TAB3: variants seen among roughly 807,000 people sequenced by gnomAD.
TAB3 encodes the protein TGF-beta-activated kinase 1 and MAP3K7-binding protein 3.
In TAB3, 18 loss-of-function variants were observed where a neutral mutation model predicts 48.1. The ratio of observed to expected loss-of-function variants is 0.37; its 90% CI spans 0.26 to 0.55. The LOEUF is 0.55. TAB3 is among the 20% of genes least tolerant of loss of function. TAB3 has a pLI of 0.78. For synonymous variants in TAB3, 185 were observed against 190.2 expected (o/e 0.97, Z 0.22); for missense variants, 414 against 549.8 (o/e 0.75, Z 2.47).
chrX:30,845,948 T>C, intron 8 of TAB3: 1 of 969,276 alleles, frequency 1.0e-6, no homozygotes, highest in Non-Finnish European at 1.3e-6. Context: ...TGCAGCCTAC[T>C]AGTCAAAAGT....
Position 30,864,801 on chromosome X carries a change from G to T in TAB3, c.-91+2314C>A, listed in dbSNP as rs559204162. Among the ~76,000 whole-genome samples, 4 of 99,426 alleles carry T rather than the reference G, an allele frequency of 4.0e-5. 1 individual carries two copies. The highest frequency in any genetic ancestry group is 1.2e-4 in the Admixed American group (1 of 8,194). 86.3% of individuals were successfully genotyped at this position (99,426 alleles called of 115,157 possible). Reference sequence around the variant, plus strand: ...TGGCCATCACAGTGTGTGTGTGTGTGTGTTTTTTTTTTAAAGTTGAGCTAC... The same window carrying T: ...TGGCCATCACAGTGTGTGTGTGTGTTTGTTTTTTTTTTAAAGTTGAGCTAC... On this transcript the variant is annotated intron_variant, in intron 4 of 10. Transcript: ENST00000288422.
intron 1 of TAB3, among the ~76,000 whole-genome samples, chrX:30,883,398 C>T (rs910983349): frequency 4.5e-5 from 5 of 112,306 alleles, no homozygotes; most frequent in African/African-American, 1.6e-4. Flanking sequence ...CTCTCAAGAA[C>T]CCCATAAGGG....
intron 7 of TAB3, among the ~76,000 whole-genome samples, chrX:30,849,928 CAT>C (rs757571021): frequency 2.2e-4 from 25 of 112,558 alleles, no homozygotes; most frequent in Non-Finnish European, 4.7e-4. Flanking sequence ...GCAACCAACA[CAT>C]ATTTTATAAG....
chrX:30,856,845 C>T (rs981717943), intron 5 of TAB3, among the ~76,000 whole-genome samples: 8 of 111,370 alleles, frequency 7.2e-5, no homozygotes, highest in Non-Finnish European at 1.1e-4. Flanking sequence ...CATGGCTTGA[C>T]AATAGGCACT....
At chrX:30,833,190 C>A (rs760700377) in intron 10 of TAB3, among the ~76,000 whole-genome samples, 2 of 108,366 alleles carry the variant, frequency 1.8e-5, no homozygotes, top group Non-Finnish European at 3.8e-5. Context: ...CAGGATGGTT[C>A]GATCTCCTGA....
At chrX:30,839,937 TATATATA>T (rs1454833512) in intron 9 of TAB3, among the ~76,000 whole-genome samples, 98 of 62,680 alleles carry the variant, frequency 1.6e-3, no homozygotes, top group African/African-American at 3.7e-3. Flanking sequence ...TATATATATA[TATATATA>T]ATATATATTA....
intron 2 of TAB3, among the ~76,000 whole-genome samples, chrX:30,870,517 G>A (rs1444970532): frequency 2.7e-5 from 3 of 112,233 alleles, no homozygotes; most frequent in African/African-American, 9.7e-5. Context: ...TAAGTAGTCA[G>A]AAAAAGAAAC....
chrX:30,834,221 C>T, intron 9 of TAB3, 69 bp from the exon 10 acceptor site: 1 of 945,649 alleles, frequency 1.1e-6, no homozygotes, highest in South Asian at 2.1e-5. Context: ...AACAGGCTCA[C>T]AAGATCTTTC....
In TAB3 at chrX:30,842,880, T is replaced by C. The variant is rs1167022118; in HGVS notation, c.1888+86A>G. The C allele has an allele frequency of 2.5e-5, 14 of 561,718 alleles. No homozygotes were observed. The South Asian group carries it at 4.7e-4, about 19-fold the overall frequency. 46.3% of individuals were successfully genotyped at this position (561,718 alleles called of 1,213,427 possible). ...ACTTTATGCTGAACAACTTAACCTC[T>C]AGTGGAAATTTCTTCAGATAAATGT... On this transcript the variant is annotated intron_variant, in intron 9 of 10. Coordinates refer to ENST00000288422, the MANE Select transcript of TAB3 (RefSeq NM_152787.5).
intron 9 of TAB3, among the ~76,000 whole-genome samples, chrX:30,837,398 A>T (rs1303796875): frequency 9.0e-6 from 1 of 111,080 alleles, no homozygotes; most frequent in Admixed American, 9.6e-5. Flanking sequence ...AGAAAACCAC[A>T]ATCTGACTAT....
rs1332228256 is a variant in TAB3, at chrX:30,829,540, T to C, written c.*1887A>G. ...GTGTTACAAAAACCTTTGAAGAACG[T>C]TGTTTTGGGGACCATGCTTTTAAGC... On this transcript the variant is annotated 3_prime_UTR_variant, in exon 11 of 11. Coordinates refer to ENST00000288422, the MANE Select transcript of TAB3 (RefSeq NM_152787.5). The C allele has an allele frequency of 3.6e-5, 4 of 111,592 alleles. No individual in the cohort carries two copies. Among genetic ancestry groups the C allele is most frequent in the Non-Finnish European group, 7.5e-5 (4 of 53,049 alleles). The allele number at this position is 111,592 out of a possible 1,213,427, so 9.2% of individuals were successfully genotyped here.
chrX:30,846,859 C>A (rs755023062), intron 7 of TAB3, among the ~76,000 whole-genome samples: 10 of 111,801 alleles, frequency 8.9e-5, no homozygotes, highest in Non-Finnish European at 1.5e-4. Flanking sequence ...TAAACAAAAT[C>A]TGCATATAAA....
rs1397777922 is a variant in TAB3, at chrX:30,830,549, C to T, written c.*878G>A. Reference sequence around the variant, plus strand: ...TTGGAATGGACTTGCATTTGGCATACATTCACTGTGCTACTGGCAAAGCGC... The same window carrying T: ...TTGGAATGGACTTGCATTTGGCATATATTCACTGTGCTACTGGCAAAGCGC... On this transcript the variant is annotated 3_prime_UTR_variant, in exon 11 of 11. Transcript: ENST00000288422. 3 of 112,486 alleles carry T rather than the reference C, an allele frequency of 2.7e-5. No homozygotes were observed. The East Asian group carries it at 8.3e-4, about 31-fold the overall frequency. The allele number at this position is 112,486 out of a possible 1,213,427, so 9.3% of individuals were successfully genotyped here.
intron 2 of TAB3, among the ~76,000 whole-genome samples, chrX:30,870,354 T>G (rs1246298267): frequency 8.9e-6 from 1 of 112,475 alleles, no homozygotes; most frequent in Non-Finnish European, 1.9e-5. Flanking sequence ...TTTGAAAGAT[T>G]AACAGAAATG....
At chrX:30,852,667 A>T (rs1197217485) in intron 7 of TAB3, 111 bp downstream of exon 7, 11 of 860,190 alleles carry the variant, frequency 1.3e-5, no homozygotes, top group Non-Finnish European at 1.7e-5. Context: ...CAACAATAAC[A>T]ACAACAACAA....
chrX:30,868,353 T>TTA lies in TAB3; in HGVS notation c.-279-806_-279-805dup, dbSNP rs1176402515. ...ATATATAAGCTTTTATATATATAGC[T>TTA]TATATATATATATATAGCTTATATA... On this transcript the variant is annotated intron_variant, in intron 2 of 10. Transcript: ENST00000288422. 2.6e-4 allele frequency among the ~76,000 whole-genome samples: 2 copies of TTA among 7,771 alleles called. 1 individual carries two copies. The highest frequency in any genetic ancestry group is 3.9e-4 in the Non-Finnish European group (2 of 5,115). 6.7% of individuals were successfully genotyped at this position (7,771 alleles called of 115,157 possible). A position where few individuals can be genotyped will look rare whatever the true frequency, so the allele number is the denominator to read the frequency against.
chrX:30,885,245 C>G (rs377508172), intron 1 of TAB3, among the ~76,000 whole-genome samples: 1 of 112,222 alleles, frequency 8.9e-6, no homozygotes, highest in Non-Finnish European at 1.9e-5. Context: ...CTATTTGAAA[C>G]TCAGACTTTG....
chrX:30,850,508 C>T (rs1440133795), intron 7 of TAB3, among the ~76,000 whole-genome samples: 5 of 109,668 alleles, frequency 4.6e-5, no homozygotes, highest in African/African-American at 1.0e-4. Flanking sequence ...GTCAGGAGTT[C>T]GAGACTAGCC....
intron 5 of TAB3, among the ~76,000 whole-genome samples, chrX:30,857,331 T>C (rs777351339): frequency 8.9e-6 from 1 of 111,757 alleles, no homozygotes; most frequent in African/African-American, 3.2e-5. Flanking sequence ...GAAGGGAAGA[T>C]ATTAAAAACA....
Sources: gnomAD v4.1 joint callset for allele counts (sites outside exome capture counted in the v4.1 genomes callset) on GRCh38, gnomAD v4.1.1 for gene constraint, MANE v1.5 for transcripts, NCBI Gene and HGNC (gene_info 2026-07-23, HGNC 2026-07-21) for gene names.